WDR4: variants seen among roughly 807,000 people sequenced by gnomAD.
The protein encoded by WDR4 is tRNA (guanine-N(7)-)-methyltransferase non-catalytic subunit WDR4.
A neutral mutation model predicts 48.6 loss-of-function variants in WDR4; 47 were observed. The ratio of observed to expected loss-of-function variants is 0.97; its 90% CI spans 0.77 to 1.23. The LOEUF (loss-of-function observed/expected upper bound fraction) is 1.23, where lower values mean the gene tolerates loss of function less well. Among genes scored for constraint, WDR4 ranks in the 50% most tolerant of loss-of-function variants. WDR4 has a pLI of 0.00. For missense variants in WDR4, 606 were observed against 551.6 expected (o/e 1.10, Z -0.99); for synonymous variants, 268 against 230.0 (o/e 1.17, Z -1.49).
chr21:42,862,403 C>A lies in WDR4; in HGVS notation c.454-9G>T, dbSNP rs770542437. On this transcript the variant is annotated splice_polypyrimidine_tract_variant and intron_variant, in intron 4 of 10. Transcript: ENST00000398208. The surrounding 1 kb of genome is among the most constrained non-coding windows in gnomAD (Gnocchi z 4.3). Reference sequence around the variant, plus strand: ...TCATCAGGACTCACAGCCTGCATCACCAGGGGCCAGAAAAGAAAAAGCCGC... The same window carrying A: ...TCATCAGGACTCACAGCCTGCATCAACAGGGGCCAGAAAAGAAAAAGCCGC... The A allele has an allele frequency of 6.3e-7, 1 of 1,591,906 alleles. No homozygotes were observed. The highest frequency in any genetic ancestry group is 1.8e-5 in the Admixed American group (1 of 57,002).
chr21:42,855,134 A>C (rs959790237), intron 7 of WDR4, among the ~76,000 whole-genome samples: 2 of 152,188 alleles, frequency 1.3e-5, no homozygotes, highest in Non-Finnish European at 2.9e-5. Context: ...TCTCAAAAAA[A>C]AAAAAAAAAT....
intron 6 of WDR4, 65 bp downstream of exon 6, chr21:42,859,597 G>GCGCCCCCCCCCC: frequency 1.4e-6 from 1 of 708,190 alleles, no homozygotes; most frequent in Non-Finnish European, 2.5e-6. Flanking sequence ...TCCAGGAGGC[G>GCGCCCCCCCCCC]CCCACCCCAC....
downstream of WDR4, among the ~76,000 whole-genome samples, chr21:42,846,793 G>A (rs1029707361): frequency 1.9e-4 from 29 of 152,246 alleles, no homozygotes; most frequent in African/African-American, 6.7e-4. Flanking sequence ...AGTGCGAGGC[G>A]AGAGGATCAC....
intron 6 of WDR4, among the ~76,000 whole-genome samples, chr21:42,857,603 T>C (rs763879566): frequency 9.9e-5 from 15 of 152,092 alleles, no homozygotes; most frequent in Non-Finnish European, 1.6e-4. Flanking sequence ...CTCAGTGAGA[T>C]AAGAGACACG....
chr21:42,844,651 G>T (rs1209513281), downstream of WDR4, among the ~76,000 whole-genome samples: 1 of 152,170 alleles, frequency 6.6e-6, no homozygotes, highest in African/African-American at 2.4e-5. Flanking sequence ...GTTGGCCAAG[G>T]TGCAGCAGGC....
intron 1 of WDR4, 193 bp downstream of exon 1, chr21:42,879,214 G>GAAAGCGGACGC: frequency 7.6e-7 from 1 of 1,312,306 alleles, no homozygotes; most frequent in Non-Finnish European, 9.7e-7. Flanking sequence ...AGAGCGGACG[G>GAAAGCGGACGC]CGAAAGCGGA....
chr21:42,891,088 C>T, the WDR4 span, among the ~76,000 whole-genome samples: 11 of 152,172 alleles, frequency 7.2e-5, no homozygotes, highest in South Asian at 2.1e-4. Flanking sequence ...TTTGGGAGGC[C>T]GATGCAGGCA....
At chr21:42,852,378 A>C (rs1298553912) in intron 9 of WDR4, 54 bp from the exon 10 acceptor site, 2 of 1,592,488 alleles carry the variant, frequency 1.3e-6, no homozygotes, top group Non-Finnish European at 1.7e-6. Context: ...CTGGAAACCC[A>C]GCACCAGGAC....
chr21:42,882,619 G>T (rs1413479410), upstream of WDR4, among the ~76,000 whole-genome samples: 1 of 152,004 alleles, frequency 6.6e-6, no homozygotes, highest in Non-Finnish European at 1.5e-5. Flanking sequence ...GTCCTGTCCT[G>T]AGCAAAAGGT....
chr21:42,850,364 G>C (rs887524766), intron 10 of WDR4, 122 bp from the exon 11 acceptor site: 6 of 909,646 alleles, frequency 6.6e-6, no homozygotes, highest in Admixed American at 6.7e-5. Flanking sequence ...TGGACCGTGG[G>C]GGGCGCCTTC....
the WDR4 span, chr21:42,886,823 C>T: frequency 1.3e-5 from 2 of 152,256 alleles, no homozygotes. Flanking sequence ...CGGGGATAGC[C>T]AATAGCCCCA....
chr21:42,845,922 CAGAAGTTCG>C (rs758223739), downstream of WDR4, among the ~76,000 whole-genome samples: 36 of 152,200 alleles, frequency 2.4e-4, no homozygotes, highest in Middle Eastern at 3.4e-3. Flanking sequence ...TGCTTGAGGC[CAGAAGTTCG>C]AGACCAGCCT....
At chr21:42,869,642 C>T (rs948577286) in intron 3 of WDR4, among the ~76,000 whole-genome samples, 7 of 151,974 alleles carry the variant, frequency 4.6e-5, no homozygotes, top group Non-Finnish European at 7.4e-5. Flanking sequence ...ATAAACAACA[C>T]CCCAATGGAA....
At chr21:42,859,557 G>C in intron 6 of WDR4, 105 bp downstream of exon 6, 1 of 584,384 alleles carries the variant, frequency 1.7e-6, no homozygotes, top group Non-Finnish European at 2.6e-6. Context: ...GCCACAGCCA[G>C]CCAGGGGCCA....
rs566679992 is a variant in WDR4 at position 42,861,625 on chromosome 21, A to G, written c.566+657T>C. ...GTCAGAAGAAGCTATCCTGAGGCAC[A>G]CACCAGTGACTGGCCTTCTTAAACA... On this transcript the variant is annotated intron_variant, in intron 5 of 10. Transcript: ENST00000398208. Among the ~76,000 whole-genome samples the G allele has an allele frequency of 6.6e-4, 101 of 152,318 alleles. 1 individual carries two copies. The highest frequency in any genetic ancestry group is 3.9e-3 in the South Asian group (19 of 4,828).
At chr21:42,884,673 C>T in the WDR4 span, among the ~76,000 whole-genome samples, 5 of 152,022 alleles carry the variant, frequency 3.3e-5, no homozygotes, top group African/African-American at 4.8e-5. Flanking sequence ...TTTTCAGGGA[C>T]CGCCAAGCTG....
At chr21:42,847,700 G>C (rs191372261), downstream of WDR4, among the ~76,000 whole-genome samples, 619 of 152,328 alleles carry the variant, frequency 4.1e-3, 3 homozygotes, top group Non-Finnish European at 6.5e-3. Context: ...AATGAAATGT[G>C]AATTTCATGA....
chr21:42,875,805 A>C (rs1269038218), intron 2 of WDR4, among the ~76,000 whole-genome samples: 1 of 152,172 alleles, frequency 6.6e-6, no homozygotes, highest in Non-Finnish European at 1.5e-5. Flanking sequence ...TTTATATCTC[A>C]ATTAGCTGAA....
chr21:42,860,488 C>CA (rs1268933191), intron 5 of WDR4, among the ~76,000 whole-genome samples: 4 of 152,274 alleles, frequency 2.6e-5, no homozygotes, highest in Admixed American at 6.5e-5. Flanking sequence ...ATCCCTCATG[C>CA]ACGGGGTTCC....
Sources: allele counts gnomAD v4.1 joint callset (sites outside exome capture counted in the v4.1 genomes callset), GRCh38; gene constraint gnomAD v4.1.1; non-coding constraint Gnocchi (gnomAD v3.1); transcripts MANE v1.5; gene names NCBI Gene and HGNC (gene_info 2026-07-23, HGNC 2026-07-21).